LRRK2: variants seen among roughly 807,000 people sequenced by gnomAD.
LRRK2 encodes the protein leucine rich repeat kinase 2, also known as leucine-rich repeat serine/threonine-protein kinase 2.
A neutral mutation model predicts 302.6 loss-of-function variants in LRRK2; 203 were observed. That is an observed-to-expected ratio of 0.67 (90% CI 0.60 to 0.75). The LOEUF is 0.75. Among genes scored for constraint, LRRK2 ranks in the 30% least tolerant of loss-of-function variants. LRRK2 has a pLI of 0.00. For missense variants in LRRK2, 2,830 were observed against 2,951.0 expected (o/e 0.96, Z 0.95); for synonymous variants, 1,066 against 1,031.9 (o/e 1.03, Z -0.63).
chr12:40,324,041 T>C (rs1453619657), intron 38 of LRRK2, among the ~76,000 whole-genome samples: 2 of 152,118 alleles, frequency 1.3e-5, no homozygotes, highest in Admixed American at 1.3e-4. Flanking sequence ...CTTCAGAAGA[T>C]GAAAAGTGTA....
chr12:40,311,485 C>T (rs1945036271), intron 31 of LRRK2, among the ~76,000 whole-genome samples: 1 of 152,114 alleles, frequency 6.6e-6, no homozygotes, highest in Non-Finnish European at 1.5e-5. Flanking sequence ...TCTGTCTTGG[C>T]TTAGCTCAAT....
chr12:40,317,230 C>T (rs17520083), intron 33 of LRRK2, among the ~76,000 whole-genome samples: 38 of 152,008 alleles, frequency 2.5e-4, no homozygotes, highest in African/African-American at 8.4e-4. Context: ...CTTTTAAAGA[C>T]AGATTTAAAA....
At chr12:40,319,376 G>A (rs907078829) in intron 33 of LRRK2, among the ~76,000 whole-genome samples, 35 of 152,024 alleles carry the variant, frequency 2.3e-4, no homozygotes, top group African/African-American at 8.5e-4. Flanking sequence ...TAACTGCCAT[G>A]ACAAGGATCA....
At chr12:40,361,601 A>G (rs1241110222) in intron 47 of LRRK2, among the ~76,000 whole-genome samples, 2 of 152,046 alleles carry the variant, frequency 1.3e-5, no homozygotes, top group Non-Finnish European at 2.9e-5. Flanking sequence ...ATTTTATGGG[A>G]TTATGGATAT....
At position 40,225,659 on chromosome 12, in the gene LRRK2, C is replaced by T; in HGVS notation, c.237+19C>T. 6.3e-7 allele frequency: 1 copy of T among 1,589,494 alleles called. No homozygotes were observed. The highest frequency in any genetic ancestry group is 8.6e-7 in the Non-Finnish European group (1 of 1,158,122). ...GCAGCAGGTAAAGGCATTGTTTTCACTTCAACTCATTCTCCCTTCTGTTTG... is the reference window on the plus strand; with the variant it reads ...GCAGCAGGTAAAGGCATTGTTTTCATTTCAACTCATTCTCCCTTCTGTTTG... On this transcript the variant is annotated intron_variant, in intron 2 of 50. Coordinates refer to ENST00000298910, the MANE Select transcript of LRRK2 (RefSeq NM_198578.4).
chr12:40,341,593 A>G (rs1946047415), intron 41 of LRRK2, among the ~76,000 whole-genome samples: 1 of 152,176 alleles, frequency 6.6e-6, no homozygotes, highest in Non-Finnish European at 1.5e-5. Context: ...GCTGTGCGTC[A>G]GGCCCAGTGC....
intron 28 of LRRK2, among the ~76,000 whole-genome samples, chr12:40,306,408 C>A (rs889856515): frequency 6.6e-6 from 1 of 152,108 alleles, no homozygotes; most frequent in South Asian, 2.1e-4. Context: ...CTATTTTGCC[C>A]ATTAGGATGA....
chr12:40,239,314 C>T (rs1047633010), intron 5 of LRRK2, among the ~76,000 whole-genome samples: 11 of 152,076 alleles, frequency 7.2e-5, no homozygotes, highest in African/African-American at 1.9e-4. Flanking sequence ...ACAGCGAGTA[C>T]GGAATTCCTT....
At chr12:40,302,985 C>T in intron 26 of LRRK2, 103 bp downstream of exon 26, 1 of 794,602 alleles carries the variant, frequency 1.3e-6, no homozygotes, top group Non-Finnish European at 2.1e-6. Flanking sequence ...ATTTCTAAAC[C>T]TACTCAACTT....
intron 44 of LRRK2, among the ~76,000 whole-genome samples, chr12:40,352,938 C>T (rs1592327962): frequency 6.6e-6 from 1 of 152,380 alleles, no homozygotes; most frequent in African/African-American, 2.4e-5. Context: ...ACAAAACCGC[C>T]AACGTCATCA....
intron 14 of LRRK2, among the ~76,000 whole-genome samples, chr12:40,272,400 C>T (rs1335910564): frequency 6.6e-6 from 1 of 152,202 alleles, no homozygotes; most frequent in African/African-American, 2.4e-5. Flanking sequence ...GTGCTCACAG[C>T]TCTCTGTGTC....
chr12:40,333,735 C>G (rs1038325448), intron 39 of LRRK2, among the ~76,000 whole-genome samples: 3 of 151,782 alleles, frequency 2.0e-5, no homozygotes, highest in Non-Finnish European at 4.4e-5. Flanking sequence ...TAAGGGTGGC[C>G]CATGGCGGGC....
chr12:40,348,336 T>C (rs1946257093), intron 42 of LRRK2, 73 bp from the exon 43 acceptor site: 1 of 1,055,136 alleles, frequency 9.5e-7, no homozygotes, highest in Non-Finnish European at 1.5e-6. Flanking sequence ...CTGGACCTTT[T>C]ATAAACATTG....
Position 40,235,722 on chromosome 12 carries a change from G to A in LRRK2, c.436+8G>A. The A allele has an allele frequency of 3.3e-6, 5 of 1,515,080 alleles. No individual in the cohort carries two copies. Among genetic ancestry groups the A allele is most frequent in the Non-Finnish European group, 4.6e-6 (5 of 1,092,766 alleles). The allele number at this position is 1,515,080 out of a possible 1,614,324, so 93.9% of individuals were successfully genotyped here. A position where few individuals can be genotyped will look rare whatever the true frequency, so the allele number is the denominator to read the frequency against. ...ATCTCCTCCTAACTTCAGGTAATAT[G>A]TGTATATGTTTTTTGTGTTGATTCA... On this transcript the variant is annotated splice_region_variant and intron_variant, in intron 4 of 50. Coordinates refer to ENST00000298910, the MANE Select transcript of LRRK2 (RefSeq NM_198578.4).
chr12:40,291,303 T>A (rs1486729657), intron 20 of LRRK2, among the ~76,000 whole-genome samples: 1 of 151,574 alleles, frequency 6.6e-6, no homozygotes, highest in Non-Finnish European at 1.5e-5. Flanking sequence ...GGGGGAGGGA[T>A]AGCATTAGGA....
intron 28 of LRRK2, among the ~76,000 whole-genome samples, chr12:40,307,147 A>G (rs1335736274): frequency 6.6e-6 from 1 of 151,984 alleles, no homozygotes; most frequent in East Asian, 1.9e-4. Context: ...AATTGTAGGC[A>G]TCATTTGCTT....
intron 28 of LRRK2, 123 bp from the exon 29 acceptor site, chr12:40,308,344 T>C (rs1200841835): frequency 1.4e-6 from 1 of 697,880 alleles, no homozygotes; most frequent in Non-Finnish European, 2.4e-6. Context: ...TTATTAGTTA[T>C]ATGAGATATG....
rs1168655767 is a variant in LRRK2, at chr12:40,353,103, G to A, written c.6577-1196G>A. ...GGGCGGGGGCTGCCCCCCACCTCCC[G>A]GATGGGGTGGCTGCCCAGCGGAGAC... is the stretch of plus-strand genomic sequence containing the variant. On this transcript the variant is annotated intron_variant, in intron 44 of 50. Coordinates refer to ENST00000298910, the MANE Select transcript of LRRK2 (RefSeq NM_198578.4). Among the ~76,000 whole-genome samples the A allele has an allele frequency of 7.3e-5, 11 of 151,090 alleles. No individual in the cohort carries two copies. In the South Asian group the frequency reaches 2.3e-3, roughly 32 times the overall value.
chr12:40,345,455 A>C (rs979439538), intron 41 of LRRK2, among the ~76,000 whole-genome samples: 1 of 151,456 alleles, frequency 6.6e-6, no homozygotes, highest in Non-Finnish European at 1.5e-5. Context: ...AAACCCTGTC[A>C]CTACTAAAAA....
Sources: allele counts gnomAD v4.1 joint callset (sites outside exome capture counted in the v4.1 genomes callset), GRCh38; gene constraint gnomAD v4.1.1; transcripts MANE v1.5; gene names NCBI Gene and HGNC (gene_info 2026-07-23, HGNC 2026-07-21).